MAP3K20: variants seen among roughly 807,000 people sequenced by gnomAD.
MAP3K20 encodes mitogen-activated protein kinase kinase kinase 20.
Under a neutral mutation model 85.7 loss-of-function variants are expected in MAP3K20, and 40 were observed. That is an observed-to-expected ratio of 0.47 (90% CI 0.36 to 0.61). MAP3K20 has a LOEUF of 0.61. MAP3K20 is among the 20% of genes least tolerant of loss of function. The pLI is 0.00. For synonymous variants in MAP3K20, 325 were observed against 327.7 expected, an observed-to-expected ratio of 0.99 and a Z score of 0.09; for missense variants, 817 against 961.7, an observed-to-expected ratio of 0.85 and a Z score of 1.99.
chr2:173,221,196 A>C, intron 11 of MAP3K20: 3 of 1,574,848 alleles, frequency 1.9e-6, no homozygotes, highest in Non-Finnish European at 2.6e-6. Flanking sequence ...TCTTACTTTG[A>C]ATCTAAAACA....
chr2:173,186,703 CAACTT>C (rs1459719308), intron 4 of MAP3K20, among the ~76,000 whole-genome samples: 1 of 152,042 alleles, frequency 6.6e-6, no homozygotes, highest in Non-Finnish European at 1.5e-5. Context: ...TTAGAAAAAA[CAACTT>C]GAGAAATAAA....
chr2:173,078,058 CA>C (rs1686914098), intron 1 of MAP3K20, among the ~76,000 whole-genome samples: 1 of 152,156 alleles, frequency 6.6e-6, no homozygotes, highest in Non-Finnish European at 1.5e-5. Context: ...TCAGAGAAAA[CA>C]CTGAAAACTT....
rs1274644433 is a variant in MAP3K20, at chr2:173,134,428, A to ATTTTTTTTTTT, written c.160-35368_160-35358dup. Reference sequence around the variant, plus strand: ...TATATATATATATATATATATATATATTTTTTTTTTTTTTTTTTTGCAGAG... The same window carrying ATTTTTTTTTTT: ...TATATATATATATATATATATATATATTTTTTTTTTTTTTTTTTTTTTTTTTTTTTGCAGAG... On this transcript the variant is annotated intron_variant, in intron 2 of 19. Transcript: ENST00000375213. Among the ~76,000 whole-genome samples, 19 of 3,150 alleles carry ATTTTTTTTTTT rather than the reference A, an allele frequency of 6.0e-3. 5 individuals carry two copies. Among genetic ancestry groups the ATTTTTTTTTTT allele is most frequent in the South Asian group, 0.036 (2 of 56 alleles). The allele number at this position is 3,150 out of a possible 152,430, so 2.1% of individuals were successfully genotyped here. A position where few individuals can be genotyped will look rare whatever the true frequency, so the allele number is the denominator to read the frequency against.
At chr2:173,117,365 A>G (rs1346802942) in intron 2 of MAP3K20, among the ~76,000 whole-genome samples, 1 of 151,958 alleles carries the variant, frequency 6.6e-6, no homozygotes, top group Non-Finnish European at 1.5e-5. Context: ...TGTAGCCTCA[A>G]CCTCCTGGGT....
At chr2:173,212,138 T>G (rs1259288928) in intron 10 of MAP3K20, 1 of 152,150 alleles carries the variant, frequency 6.6e-6, no homozygotes, top group Non-Finnish European at 1.5e-5. Flanking sequence ...TAAATATGTA[T>G]GTTTGCCATG....
rs1229267714 is a variant in MAP3K20 at position 173,198,799 on chromosome 2, G to A, written c.669+687G>A. ...GCTTCTCTTCTTCCCACAAATTGAG[G>A]CTTTCAGTTAGTTGGACCTATGAGC... On this transcript the variant is annotated intron_variant, in intron 8 of 19. Transcript: ENST00000375213. The surrounding 1 kb of genome is among the most constrained non-coding windows in gnomAD (Gnocchi z 5.8). 2.0e-5 allele frequency: 3 copies of A among 152,542 alleles called. No individual in the cohort carries two copies. Among genetic ancestry groups the A allele is most frequent in the Non-Finnish European group, 4.4e-5 (3 of 68,044 alleles). The allele number at this position is 152,542 out of a possible 1,614,324, so 9.4% of individuals were successfully genotyped here. A position where few individuals can be genotyped will look rare whatever the true frequency, so the allele number is the denominator to read the frequency against.
At chr2:173,091,813 T>C (rs3769201) in intron 2 of MAP3K20, among the ~76,000 whole-genome samples, 115,099 of 152,006 alleles carry the variant, frequency 0.76, 44,195 homozygotes, top group African/African-American at 0.81. Context: ...GAGCTCAGAG[T>C]TCTTAGAACT....
intron 16 of MAP3K20, among the ~76,000 whole-genome samples, chr2:173,243,690 T>C (rs1043870253): frequency 1.3e-5 from 2 of 152,198 alleles, no homozygotes; most frequent in Admixed American, 6.5e-5. Context: ...CTATCTCGGC[T>C]CACTGCAAGC....
At chr2:173,203,914 C>A (rs747753619) in intron 9 of MAP3K20, 44 bp downstream of exon 9, 13 of 1,568,760 alleles carry the variant, frequency 8.3e-6, no homozygotes, top group Non-Finnish European at 9.6e-6. Context: ...TCTGAAATTT[C>A]TCTTGTTTGG....
intron 7 of MAP3K20, among the ~76,000 whole-genome samples, chr2:173,196,094 C>T (rs868554057): frequency 9.3e-5 from 14 of 150,762 alleles, no homozygotes; most frequent in Middle Eastern, 3.5e-3. Flanking sequence ...GCGTGTTTAT[C>T]ATACCTGCAG....
At chr2:173,156,000 G>A (rs548764447) in intron 2 of MAP3K20, among the ~76,000 whole-genome samples, 1 of 152,282 alleles carries the variant, frequency 6.6e-6, no homozygotes, top group East Asian at 1.9e-4. Context: ...TTCTAGATGA[G>A]ATTGCTGAGA....
intron 3 of MAP3K20, among the ~76,000 whole-genome samples, chr2:173,177,064 T>C (rs1463967272): frequency 3.3e-5 from 5 of 152,134 alleles, no homozygotes; most frequent in African/African-American, 1.2e-4. Context: ...ACTAACTGAA[T>C]TAAAAGGAGA....
intron 14 of MAP3K20, among the ~76,000 whole-genome samples, chr2:173,236,086 C>A (rs932225664): frequency 6.6e-6 from 1 of 151,894 alleles, no homozygotes; most frequent in Non-Finnish European, 1.5e-5. Flanking sequence ...GGCAACATGG[C>A]GAAACCTTGC....
At chr2:173,196,652 A>G (rs1217711254) in intron 7 of MAP3K20, among the ~76,000 whole-genome samples, 2 of 152,224 alleles carry the variant, frequency 1.3e-5, no homozygotes, top group East Asian at 1.9e-4. Flanking sequence ...TGGCTGAGGA[A>G]ATAGTGGATA....
chr2:173,115,319 C>A (rs1228440979), intron 2 of MAP3K20, among the ~76,000 whole-genome samples: 1 of 152,122 alleles, frequency 6.6e-6, no homozygotes, highest in Non-Finnish European at 1.5e-5. Flanking sequence ...CTTCTTGTAT[C>A]ATAGTTTGGA....
At chr2:173,187,533 C>A (rs1288726805) in intron 4 of MAP3K20, 25 bp from the exon 5 acceptor site, 3 of 1,577,100 alleles carry the variant, frequency 1.9e-6, no homozygotes, top group Non-Finnish European at 2.6e-6. Flanking sequence ...TATTAATAGG[C>A]CTTTATTTCT....
chr2:173,100,472 G>C (rs1339193834), intron 2 of MAP3K20, among the ~76,000 whole-genome samples: 1 of 152,136 alleles, frequency 6.6e-6, no homozygotes, highest in Non-Finnish European at 1.5e-5. Flanking sequence ...CTTGATACCT[G>C]GTATTGTGTC....
At chr2:173,256,514 TA>T (rs1685164836) in intron 16 of MAP3K20, among the ~76,000 whole-genome samples, 3 of 44,932 alleles carry the variant, frequency 6.7e-5, no homozygotes, top group Non-Finnish European at 7.0e-5. Context: ...GATAGATAGA[TA>T]GATAGATAGA....
intron 14 of MAP3K20, among the ~76,000 whole-genome samples, chr2:173,233,283 A>AT (rs1364037055): frequency 6.6e-6 from 1 of 152,170 alleles, no homozygotes; most frequent in Non-Finnish European, 1.5e-5. Flanking sequence ...GGCATTTGTA[A>AT]TTTTTGTCAT....
Sources: allele counts gnomAD v4.1 joint callset (sites outside exome capture counted in the v4.1 genomes callset), GRCh38; gene constraint gnomAD v4.1.1; non-coding constraint Gnocchi (gnomAD v3.1); transcripts MANE v1.5; gene names NCBI Gene and HGNC (gene_info 2026-07-23, HGNC 2026-07-21).